GNAL: variants seen among roughly 807,000 people sequenced by gnomAD.
GNAL encodes guanine nucleotide-binding protein G(olf) subunit alpha.
Under a neutral mutation model 55.1 loss-of-function variants are expected in GNAL, and 18 were observed. The observed-to-expected ratio is 0.33, with a 90% CI of 0.23 to 0.48. The LOEUF is 0.48. GNAL is among the 20% of genes least tolerant of loss of function. GNAL has a pLI of 0.99. For missense variants in GNAL, 412 were observed against 614.1 expected (o/e 0.67, Z 3.48); for synonymous variants, 253 against 237.0 (o/e 1.07, Z -0.62).
At chr18:11,801,356 G>A (rs1276370490) in intron 4 of GNAL, among the ~76,000 whole-genome samples, 1 of 152,138 alleles carries the variant, frequency 6.6e-6, no homozygotes, top group Non-Finnish European at 1.5e-5. Flanking sequence ...TTAAAGACCA[G>A]CCTCGCCAGC....
chr18:11,864,677 T>TA, intron 7 of GNAL, 71 bp downstream of exon 7: 1 of 851,292 alleles, frequency 1.2e-6, no homozygotes. Flanking sequence ...CTGTGAGGTT[T>TA]AAGGGGGCTT....
At chr18:11,837,481 T>A (rs1053487950) in intron 5 of GNAL, among the ~76,000 whole-genome samples, 6 of 152,164 alleles carry the variant, frequency 3.9e-5, no homozygotes, top group African/African-American at 1.4e-4. Flanking sequence ...ATCTCCCAAG[T>A]AAGATAGATG....
intron 5 of GNAL, among the ~76,000 whole-genome samples, chr18:11,861,283 T>A (rs787552): frequency 0.011 from 1,710 of 152,200 alleles, 14 homozygotes; most frequent in Middle Eastern, 0.031. Context: ...CCTTCTAGGG[T>A]CCCTGCTGCC....
At chr18:11,841,360 TA>T (rs1293175216) in intron 5 of GNAL, among the ~76,000 whole-genome samples, 1 of 152,106 alleles carries the variant, frequency 6.6e-6, no homozygotes, top group Non-Finnish European at 1.5e-5. Context: ...GGAAAAGATA[TA>T]CCTGCTAGGG....
chr18:11,693,852 ATT>A (rs35736728), intron 1 of GNAL, among the ~76,000 whole-genome samples: 22 of 109,774 alleles, frequency 2.0e-4, no homozygotes, highest in East Asian at 2.7e-4. Flanking sequence ...CTATGTCGCT[ATT>A]TTTTTTTTTT....
chr18:11,869,156 T>A (rs79306012), intron 9 of GNAL, among the ~76,000 whole-genome samples: 12 of 148,412 alleles, frequency 8.1e-5, no homozygotes, highest in African/African-American at 2.5e-4. Context: ...ATTTTTTTTT[T>A]ATTTTGAGAT....
At chr18:11,757,680 G>C (rs187506098) in intron 4 of GNAL, among the ~76,000 whole-genome samples, 93 of 152,280 alleles carry the variant, frequency 6.1e-4, no homozygotes, top group African/African-American at 1.9e-3. Context: ...GGAGGAGGCA[G>C]GTATGAGGAG....
intron 1 of GNAL, among the ~76,000 whole-genome samples, chr18:11,696,574 G>A (rs1302075020): frequency 6.6e-6 from 1 of 151,502 alleles, no homozygotes; most frequent in East Asian, 1.9e-4. Flanking sequence ...TTGCATTTAA[G>A]TCAAAACTTT....
chr18:11,768,969 T>TA lies in GNAL; in HGVS notation c.624+15024_624+15025insA, dbSNP rs1555648428. 6.1e-5 allele frequency among the ~76,000 whole-genome samples: 5 copies of TA among 81,676 alleles called. No homozygotes were observed. In the East Asian group the frequency reaches 1.3e-3, roughly 22 times the overall value. The allele number at this position is 81,676 out of a possible 152,430, so 53.6% of individuals were successfully genotyped here. On this transcript the variant is annotated intron_variant, in intron 4 of 11. Coordinates refer to ENST00000334049, the MANE Select transcript of GNAL (RefSeq NM_182978.4). The stretch of plus-strand genomic sequence containing the variant: ...ATTACTATATGTTATATATAATATA[T>TA]TATATATATTATATATTCTATATTA...
chr18:11,715,934 A>T (rs2031952734), intron 1 of GNAL, among the ~76,000 whole-genome samples: 3 of 152,136 alleles, frequency 2.0e-5, no homozygotes, highest in African/African-American at 7.2e-5. Context: ...TGCAAATCAA[A>T]ACTACCATGA....
At chr18:11,698,843 C>T (rs961268180) in intron 1 of GNAL, among the ~76,000 whole-genome samples, 1 of 152,178 alleles carries the variant, frequency 6.6e-6, no homozygotes, top group African/African-American at 2.4e-5. Context: ...GCTCCTCCAG[C>T]ACAAGTGACT....
chr18:11,793,995 G>A (rs1350252586), intron 4 of GNAL, among the ~76,000 whole-genome samples: 2 of 151,326 alleles, frequency 1.3e-5, no homozygotes, highest in Non-Finnish European at 2.9e-5. Flanking sequence ...CACATGAAAA[G>A]ATGTTCAACA....
intron 1 of GNAL, among the ~76,000 whole-genome samples, chr18:11,750,955 C>T (rs897452322): frequency 9.2e-5 from 14 of 151,706 alleles, no homozygotes; most frequent in African/African-American, 3.1e-4. Flanking sequence ...CACAGGGCAG[C>T]GGCGGGCCTG....
intron 1 of GNAL, among the ~76,000 whole-genome samples, chr18:11,715,941 A>G (rs2031953047): frequency 6.6e-6 from 1 of 152,154 alleles, no homozygotes; most frequent in African/African-American, 2.4e-5. Context: ...CAAAACTACC[A>G]TGAGATACCA....
intron 5 of GNAL, among the ~76,000 whole-genome samples, chr18:11,832,166 G>T (rs2035397708): frequency 6.6e-6 from 1 of 152,134 alleles, no homozygotes; most frequent in African/African-American, 2.4e-5. Context: ...AGAGAGAATT[G>T]GATCTTTAGC....
At chr18:11,833,219 ATGAGGTTTCACAATAT>A (rs2035426037) in intron 5 of GNAL, among the ~76,000 whole-genome samples, 2 of 152,082 alleles carry the variant, frequency 1.3e-5, no homozygotes, top group Admixed American at 1.3e-4. Flanking sequence ...TTTAGTAGAG[ATGAGGTTTCACAATAT>A]TGGCCAGGCT....
intron 1 of GNAL, among the ~76,000 whole-genome samples, chr18:11,732,993 C>A (rs1012868587): frequency 5.9e-5 from 9 of 152,218 alleles, no homozygotes; most frequent in Non-Finnish European, 7.3e-5. Context: ...ACTGATTTGT[C>A]AGAAATTGCA....
chr18:11,695,296 G>A (rs1046973731), intron 1 of GNAL, among the ~76,000 whole-genome samples: 5 of 152,130 alleles, frequency 3.3e-5, no homozygotes, highest in Non-Finnish European at 7.3e-5. Flanking sequence ...ATACAATCAC[G>A]GGCTGCTGGC....
intron 4 of GNAL, among the ~76,000 whole-genome samples, chr18:11,755,836 G>A (rs2033037311): frequency 6.6e-6 from 1 of 152,162 alleles, no homozygotes; most frequent in Non-Finnish European, 1.5e-5. Context: ...CTGCTAACTG[G>A]AGGTGCAGAT....
Sources: allele counts gnomAD v4.1 joint callset (sites outside exome capture counted in the v4.1 genomes callset), GRCh38; gene constraint gnomAD v4.1.1; transcripts MANE v1.5; gene names NCBI Gene and HGNC (gene_info 2026-07-23, HGNC 2026-07-21).